Variants in ABCC3 observed in about 807,000 individuals in gnomAD.
The protein encoded by ABCC3 is ATP binding cassette subfamily C member 3, also known as ATP-binding cassette sub-family C member 3.
ABCC3 carries 121 observed loss-of-function variants against 165.3 expected under a neutral mutation model. The observed-to-expected ratio is 0.73, with a 90% CI of 0.63 to 0.85. The LOEUF is 0.85. Ranked by LOEUF, ABCC3 falls within the 40% of genes least tolerant of loss-of-function variation. The pLI is 0.00. For synonymous variants in ABCC3, 733 were observed against 810.1 expected, an observed-to-expected ratio of 0.90 and a Z score of 1.62; for missense variants, 1,869 against 1,964.1, an observed-to-expected ratio of 0.95 and a Z score of 0.92.
intron 26 of ABCC3, among the ~76,000 whole-genome samples, chr17:50,682,548 C>T (rs1388164473): frequency 6.6e-6 from 1 of 152,036 alleles, no homozygotes; most frequent in Admixed American, 6.6e-5. Context: ...CCATTTATGC[C>T]TGCTGTTCCC....
intron 1 of ABCC3, among the ~76,000 whole-genome samples, chr17:50,637,854 C>G (rs2054193784): frequency 6.6e-6 from 1 of 152,208 alleles, no homozygotes; most frequent in African/African-American, 2.4e-5. Flanking sequence ...AGGGAAAGAG[C>G]TGGTAGGGCT....
intron 3 of ABCC3, 28 bp downstream of exon 3, chr17:50,656,855 TG>T: frequency 6.3e-7 from 1 of 1,588,508 alleles, no homozygotes; most frequent in Non-Finnish European, 8.5e-7. Context: ...GGAAAGTGGA[TG>T]GGGGAGGTCT....
chr17:50,689,892 A>G (rs1487070251), intron 30 of ABCC3, among the ~76,000 whole-genome samples: 1 of 152,114 alleles, frequency 6.6e-6, no homozygotes. Flanking sequence ...TGGACCTTGG[A>G]GGTTGGGAGT....
chr17:50,644,131 T>G (rs1488581582), intron 1 of ABCC3, among the ~76,000 whole-genome samples: 1 of 150,334 alleles, frequency 6.7e-6, no homozygotes, highest in African/African-American at 2.5e-5. Context: ...ACCAACACGG[T>G]GAAACCCCGT....
intron 2 of ABCC3, 57 bp from the exon 3 acceptor site, chr17:50,656,645 A>C (rs185565592): frequency 1.3e-6 from 2 of 1,557,032 alleles, no homozygotes; most frequent in East Asian, 4.5e-5. Flanking sequence ...ACCCCTTCCC[A>C]GTGAGGACTG....
Position 50,635,035 on chromosome 17 carries a change from GC to G in ABCC3, c.45+57del. The G allele has an allele frequency of 2.4e-6, 3 of 1,249,820 alleles. No individual in the cohort carries two copies. In the South Asian group the frequency reaches 1.1e-4, roughly 45 times the overall value. 77.4% of individuals were successfully genotyped at this position (1,249,820 alleles called of 1,614,324 possible). ...GCGGGGGCCAGGGTCGGCCGGCTTC[GC>G]CCGGTCCCCGCCGCCTGCCTTCCCG... On this transcript the variant is annotated intron_variant, in intron 1 of 30. Transcript: ENST00000285238.
intron 29 of ABCC3, among the ~76,000 whole-genome samples, chr17:50,686,168 T>C (rs1968018216): frequency 6.8e-6 from 1 of 147,910 alleles, no homozygotes; most frequent in African/African-American, 2.5e-5. Flanking sequence ...CACTCTAGCC[T>C]GGGTGACCGA....
intron 6 of ABCC3, 191 bp downstream of exon 6, chr17:50,658,687 G>A (rs527662446): frequency 4.6e-6 from 3 of 656,068 alleles, no homozygotes; most frequent in African/African-American, 1.8e-5. Context: ...GCCTGGCCTG[G>A]CCCAGTGCCG....
At position 50,673,932 on chromosome 17, in the gene ABCC3, CTT is replaced by C. The variant is rs1491325671; in HGVS notation, c.2599+276_2599+277del. The stretch of plus-strand genomic sequence containing the variant: ...TCTTTCTTTCTTTCTTTCTTTCTTT[CTT>C]TCTTTCTTTCTTTCTTTCTTTCTTT... On this transcript the variant is annotated intron_variant, in intron 19 of 30. Coordinates refer to ENST00000285238, the MANE Select transcript of ABCC3 (RefSeq NM_003786.4). 4.7e-4 allele frequency among the ~76,000 whole-genome samples: 7 copies of C among 14,952 alleles called. No homozygotes were observed. The East Asian group carries it at 0.01, about 22-fold the overall frequency. 9.8% of individuals were successfully genotyped at this position (14,952 alleles called of 152,430 possible). A position where few individuals can be genotyped will look rare whatever the true frequency, so the allele number is the denominator to read the frequency against.
rs1443659184 is a variant in ABCC3 at position 50,676,299 on chromosome 17, C to G, written c.3089C>G (p.Ala1030Gly). The G allele has an allele frequency of 1.2e-6, 2 of 1,613,222 alleles. No homozygotes were observed. The highest frequency in any genetic ancestry group is 1.7e-6 in the Non-Finnish European group (2 of 1,179,502). The change falls in exon 23 of 31, where the codon GCC becomes GGC. Residue 1030 changes from alanine to glycine, a missense_variant. Coordinates refer to ENST00000285238, the MANE Select transcript of ABCC3 (RefSeq NM_003786.4). ...ILQGFLVMLAAMAMAAGGIQA... is the reference protein window; with the variant it reads ...ILQGFLVMLAGMAMAAGGIQA... Reference sequence around the variant, plus strand: ...ACAGGGTTCTTGGTGATGCTGGCAGCCATGGCCATGGCAGCGGGTGGCATC... The same window carrying G: ...ACAGGGTTCTTGGTGATGCTGGCAGGCATGGCCATGGCAGCGGGTGGCATC...
intron 1 of ABCC3, among the ~76,000 whole-genome samples, chr17:50,641,063 A>G (rs1816993058): frequency 6.6e-6 from 1 of 152,188 alleles, no homozygotes; most frequent in South Asian, 2.1e-4. Context: ...GGGCTTGGGA[A>G]GTCCCTGGCA....
rs752227037 is a variant in ABCC3, at chr17:50,679,506, G to A, written c.3706-292G>A. 6.0e-5 allele frequency: 13 copies of A among 216,148 alleles called. 1 individual carries two copies. The highest frequency in any genetic ancestry group is 3.4e-3 in the Middle Eastern group (2 of 580). 13.4% of individuals were successfully genotyped at this position (216,148 alleles called of 1,614,324 possible). A position where few individuals can be genotyped will look rare whatever the true frequency, so the allele number is the denominator to read the frequency against. On this transcript the variant is annotated intron_variant, in intron 25 of 30. Transcript: ENST00000285238. ...AGTCCCACCTCAGACTACAGAATCC[G>A]GCGTTGCATTTTAACAAGATTCTCT...
chr17:50,667,705 C>A lies in ABCC3; in HGVS notation c.1583C>A (p.Ala528Glu), dbSNP rs1003355. 6.2e-7 allele frequency: 1 copy of A among 1,614,046 alleles called. No individual in the cohort carries two copies. Among genetic ancestry groups the A allele is most frequent in the South Asian group, 1.1e-5 (1 of 91,088 alleles). Residue 528 changes from alanine (A) to glutamate (E), a missense_variant, in exon 12 of 31, where the codon GCG (alanine) becomes GAG (glutamate). Physicochemically the swap from Ala to Glu is moderately radical, Grantham distance 107 (BLOSUM62 -1). Transcript: ENST00000285238. ...RQGELQLLRT[A>E]AYLHTTTTFT... ...GGTGAGCTCCAGCTGCTGCGCACGG[C>A]GGCCTACCTCCACACCACAACCACC...
At position 50,668,526 on chromosome 17, in the gene ABCC3, A is replaced by G. The variant is rs748241088; in HGVS notation, c.1870+9A>G. 2 of 1,608,450 alleles carry G rather than the reference A, an allele frequency of 1.2e-6. No homozygotes were observed. The highest frequency in any genetic ancestry group is 1.7e-6 in the Non-Finnish European group (2 of 1,175,804). On this transcript the variant is annotated intron_variant, in intron 14 of 30. Coordinates refer to ENST00000285238, the MANE Select transcript of ABCC3 (RefSeq NM_003786.4). ...AAAGACCATCTCCCCAGGTCTAGAG[A>G]GCCCCTACCTGGGCTGCCTGCCCCA... is the stretch of plus-strand genomic sequence containing the variant.
intron 30 of ABCC3, among the ~76,000 whole-genome samples, chr17:50,689,316 C>T (rs907182158): frequency 3.9e-5 from 6 of 152,240 alleles, no homozygotes; most frequent in Non-Finnish European, 5.9e-5. Flanking sequence ...GCCATGCCCT[C>T]AGAAGCTTGT....
chr17:50,661,388 G>T (rs73344389), intron 8 of ABCC3, among the ~76,000 whole-genome samples: 1,779 of 152,330 alleles, frequency 0.012, 25 homozygotes, highest in African/African-American at 0.04. Flanking sequence ...ACAATCCTAT[G>T]CGGAATTGCC....
At chr17:50,660,206 C>T (rs141034823) in intron 7 of ABCC3, among the ~76,000 whole-genome samples, 16 of 152,236 alleles carry the variant, frequency 1.1e-4, no homozygotes, top group South Asian at 2.1e-4. Flanking sequence ...TGTCTGGAGG[C>T]GGCGGCTGAA....
At chr17:50,646,159 G>C (rs1341205582) in intron 1 of ABCC3, among the ~76,000 whole-genome samples, 2 of 152,214 alleles carry the variant, frequency 1.3e-5, no homozygotes, top group African/African-American at 2.4e-5. Flanking sequence ...ACAGGTGGCA[G>C]TATTAAACAG....
At position 50,655,837 on chromosome 17, in the gene ABCC3, C is replaced by T; in HGVS notation, c.51C>T (p.Ser17=). Residue 17 remains serine, a synonymous_variant, in exon 2 of 31, where the codon TCC becomes TCT. Coordinates refer to ENST00000285238, the MANE Select transcript of ABCC3 (RefSeq NM_003786.4). ...ACTGTTCTCTGTGTCCCCAGGACTC[C>T]AACCTGTCTGTGCACACAGAAAACC... ...SGELGSKFWD[S]NLSVHTENPD... is the part of the protein sequence containing the mutation. 6.2e-7 allele frequency: 1 copy of T among 1,613,938 alleles called. No individual in the cohort carries two copies. The highest frequency in any genetic ancestry group is 1.7e-5 in the Admixed American group (1 of 60,014).
Sources: gnomAD v4.1 joint callset for allele counts (sites outside exome capture counted in the v4.1 genomes callset) on GRCh38, gnomAD v4.1.1 for gene constraint, MANE v1.5 for transcripts, NCBI Gene and HGNC (gene_info 2026-07-23, HGNC 2026-07-21) for gene names.